Variants in CAST observed in about 807,000 individuals in gnomAD.
The protein encoded by CAST is MIR583 host.
In CAST, 76 loss-of-function variants were observed where a neutral mutation model predicts 119.6. That is an observed-to-expected ratio of 0.64 (90% confidence interval 0.53 to 0.77). The LOEUF (loss-of-function observed/expected upper bound fraction) is 0.77. CAST is among the 30% of genes least tolerant of loss of function. The probability of loss-of-function intolerance (pLI) is 0.00; values close to 1 mark genes in which losing one functional copy is unlikely to be tolerated. For missense variants in CAST, 953 were observed against 946.5 expected (o/e 1.01, Z -0.09); for synonymous variants, 319 against 331.6 (o/e 0.96, Z 0.41).
chr5:96,636,706 G>A (rs1214514268), intron 1 of CAST, among the ~76,000 whole-genome samples: 2 of 152,136 alleles, frequency 1.3e-5, no homozygotes, highest in East Asian at 1.9e-4. Flanking sequence ...ATTTGGAATC[G>A]CTTTCAAATG....
the CAST span, chr5:96,433,995 T>C: frequency 6.6e-6 from 1 of 152,184 alleles, no homozygotes; most frequent in Non-Finnish European, 1.5e-5. Context: ...TAAGAATTCG[T>C]CAACAAGGGG....
the CAST span, among the ~76,000 whole-genome samples, chr5:96,004,808 C>T: frequency 6.6e-6 from 1 of 152,234 alleles, no homozygotes; most frequent in South Asian, 2.1e-4. Context: ...GATGCTAGAA[C>T]ACAAGTCTCC....
chr5:96,710,397 T>C (rs1187544537), intron 3 of CAST, among the ~76,000 whole-genome samples: 2 of 152,192 alleles, frequency 1.3e-5, no homozygotes, highest in African/African-American at 4.8e-5. Context: ...TGTCTGGGAA[T>C]TTTAGAATTA....
chr5:96,103,137 G>A, the CAST span, among the ~76,000 whole-genome samples: 1 of 151,978 alleles, frequency 6.6e-6, no homozygotes, highest in African/African-American at 2.4e-5. Flanking sequence ...AAAATTTGGA[G>A]GGCAGAAATA....
At chr5:96,620,288 CTTTTTTTTTT>C (rs60552077) in intron 1 of CAST, among the ~76,000 whole-genome samples, 1 of 134,558 alleles carries the variant, frequency 7.4e-6, no homozygotes. Context: ...AGTTCTTTTT[CTTTTTTTTTT>C]TTTTTGGTAT....
intron 1 of CAST, among the ~76,000 whole-genome samples, chr5:96,581,463 A>C (rs991918583): frequency 1.3e-5 from 2 of 152,238 alleles, no homozygotes; most frequent in African/African-American, 4.8e-5. Flanking sequence ...GTCATATAGC[A>C]TTATCTATTT....
the CAST span, among the ~76,000 whole-genome samples, chr5:96,307,578 A>G: frequency 6.6e-6 from 1 of 152,196 alleles, no homozygotes; most frequent in African/African-American, 2.4e-5. Flanking sequence ...ATGTTTGTGC[A>G]GTGGCTGGTA....
the CAST span, chr5:95,964,851 G>A: frequency 6.6e-6 from 1 of 151,420 alleles, no homozygotes; most frequent in East Asian, 1.9e-4. Context: ...GAAGAAATCT[G>A]TCATATAAGA....
At chr5:96,430,721 TAA>T in the CAST span, among the ~76,000 whole-genome samples, 1 of 152,252 alleles carries the variant, frequency 6.6e-6, no homozygotes, top group Non-Finnish European at 1.5e-5. Context: ...ATAATTTTGT[TAA>T]GTTTGTTTTA....
At chr5:96,365,465 CT>C in the CAST span, among the ~76,000 whole-genome samples, 2 of 152,168 alleles carry the variant, frequency 1.3e-5, no homozygotes, top group East Asian at 3.8e-4. Context: ...GTCTAAGTCT[CT>C]TTGTAGGTCT....
the CAST span, among the ~76,000 whole-genome samples, chr5:96,078,555 G>A: frequency 9.1e-4 from 139 of 152,106 alleles, 1 homozygote; most frequent in African/African-American, 3.2e-3. Flanking sequence ...CACCACGCCC[G>A]GCTAATTTTT....
At chr5:96,626,732 G>T (rs558081179) in intron 1 of CAST, among the ~76,000 whole-genome samples, 1 of 152,256 alleles carries the variant, frequency 6.6e-6, no homozygotes, top group African/African-American at 2.4e-5. Flanking sequence ...TTTCTCCAAT[G>T]CTATCTAGAT....
At chr5:96,481,599 G>A in the CAST span, among the ~76,000 whole-genome samples, 1 of 152,156 alleles carries the variant, frequency 6.6e-6, no homozygotes, top group Admixed American at 6.5e-5. Context: ...TCTTTAACAT[G>A]ATCTCTCCCT....
At chr5:96,483,448 A>G in the CAST span, among the ~76,000 whole-genome samples, 1 of 152,200 alleles carries the variant, frequency 6.6e-6, no homozygotes, top group Non-Finnish European at 1.5e-5. Flanking sequence ...TTCACACTGT[A>G]TTAACCTGGC....
the CAST span, among the ~76,000 whole-genome samples, chr5:96,064,910 A>T: frequency 6.6e-6 from 1 of 152,148 alleles, no homozygotes; most frequent in African/African-American, 2.4e-5. Context: ...TTAACAGAAG[A>T]CTTCACAAAA....
the CAST span, among the ~76,000 whole-genome samples, chr5:96,125,370 A>G: frequency 0.017 from 2,563 of 152,252 alleles, 49 homozygotes; most frequent in African/African-American, 0.054. Context: ...AGTGACCTCA[A>G]TAATTTTTCT....
chr5:96,510,890 G>A, the CAST span, among the ~76,000 whole-genome samples: 1 of 152,150 alleles, frequency 6.6e-6, no homozygotes, highest in South Asian at 2.1e-4. Context: ...TATGAGTGAG[G>A]TGTATGTGGG....
At chr5:96,392,123 G>A in the CAST span, 1 of 150,988 alleles carries the variant, frequency 6.6e-6, no homozygotes, top group South Asian at 2.1e-4. Flanking sequence ...GTGGTTTCCT[G>A]TTACTGCTGA....
chr5:96,220,203 G>A, the CAST span, among the ~76,000 whole-genome samples: 1 of 152,148 alleles, frequency 6.6e-6, no homozygotes, highest in Non-Finnish European at 1.5e-5. Flanking sequence ...AGATATAAGA[G>A]GAGTCTCTAC....
Sources: allele counts gnomAD v4.1 joint callset (sites outside exome capture counted in the v4.1 genomes callset), GRCh38; gene constraint gnomAD v4.1.1; transcripts MANE v1.5; gene names NCBI Gene and HGNC (gene_info 2026-07-23, HGNC 2026-07-21).